The following NRXN1 variants were observed in gnomAD, a reference collection of about 807,000 sequenced individuals.
NRXN1 encodes neurexin-1.
A neutral mutation model predicts 150.9 loss-of-function variants in NRXN1; 39 were observed. That is an observed-to-expected ratio of 0.26 (90% CI 0.20 to 0.34). The LOEUF (loss-of-function observed/expected upper bound fraction) is 0.34. Among genes scored for constraint, NRXN1 ranks in the 10% least tolerant of loss-of-function variants. The probability of loss-of-function intolerance (pLI) is 1.00; values close to 1 mark genes in which losing one functional copy is unlikely to be tolerated. For synonymous variants in NRXN1, 924 were observed against 757.0 expected (o/e 1.22, Z -3.62); for missense variants, 1,815 against 1,949.9 (o/e 0.93, Z 1.30).
intron 18 of NRXN1, among the ~76,000 whole-genome samples, chr2:50,137,509 A>G (rs543984498): frequency 2.0e-4 from 31 of 152,140 alleles, no homozygotes; most frequent in African/African-American, 7.2e-4. Context: ...GACTGCAACT[A>G]GATTTCCCAA....
intron 5 of NRXN1, chr2:50,656,349 T>C: frequency 1.3e-6 from 1 of 775,944 alleles, no homozygotes. Flanking sequence ...CTCTAAAGAG[T>C]ACCTGAGTCT....
chr2:50,081,993 A>G (rs1471561401), intron 19 of NRXN1, among the ~76,000 whole-genome samples: 1 of 152,202 alleles, frequency 6.6e-6, no homozygotes, highest in Non-Finnish European at 1.5e-5. Context: ...TATAAATATT[A>G]AAATCAACCA....
chr2:50,841,615 T>C (rs1206921784), intron 5 of NRXN1, among the ~76,000 whole-genome samples: 1 of 152,232 alleles, frequency 6.6e-6, no homozygotes, highest in Admixed American at 6.5e-5. Flanking sequence ...TGCTTGTTTC[T>C]GGCAAGACAA....
intron 17 of NRXN1, among the ~76,000 whole-genome samples, chr2:50,443,708 C>A (rs553798329): frequency 6.6e-6 from 1 of 152,216 alleles, no homozygotes; most frequent in East Asian, 1.9e-4. Flanking sequence ...CTGTTTGGTT[C>A]ATTACAGAAC....
At chr2:50,828,061 C>T (rs1249406665) in intron 5 of NRXN1, among the ~76,000 whole-genome samples, 2 of 150,416 alleles carry the variant, frequency 1.3e-5, no homozygotes, top group African/African-American at 2.4e-5. Context: ...CACCTTTCCC[C>T]GCTTTCTATT....
intron 18 of NRXN1, among the ~76,000 whole-genome samples, chr2:50,173,546 C>T (rs1485260855): frequency 6.6e-6 from 1 of 152,136 alleles, no homozygotes; most frequent in Admixed American, 6.5e-5. Flanking sequence ...AACTCTGAAA[C>T]AATGACACCA....
chr2:50,128,096 C>G (rs1292302265), intron 18 of NRXN1, among the ~76,000 whole-genome samples: 1 of 152,158 alleles, frequency 6.6e-6, no homozygotes, highest in African/African-American at 2.4e-5. Flanking sequence ...AAAAAAGATA[C>G]GATAGCTACC....
chr2:50,944,885 G>T (rs535065451), intron 2 of NRXN1, among the ~76,000 whole-genome samples: 6 of 152,370 alleles, frequency 3.9e-5, no homozygotes, highest in South Asian at 2.1e-4. Context: ...AGGAATGCAT[G>T]TAAATTAACA....
intron 5 of NRXN1, among the ~76,000 whole-genome samples, chr2:50,694,913 G>T (rs1311744717): frequency 6.6e-6 from 1 of 152,112 alleles, no homozygotes; most frequent in Admixed American, 6.5e-5. Context: ...TTTAGATCCT[G>T]GTGACTGTTC....
At chr2:50,011,127 G>T (rs189727098) in intron 21 of NRXN1, among the ~76,000 whole-genome samples, 36 of 152,240 alleles carry the variant, frequency 2.4e-4, no homozygotes, top group African/African-American at 7.9e-4. Flanking sequence ...TTCGGACTAG[G>T]CTTTACCTTG....
At chr2:50,040,444 T>C (rs1049573241) in intron 21 of NRXN1, among the ~76,000 whole-genome samples, 6 of 151,854 alleles carry the variant, frequency 4.0e-5, no homozygotes, top group African/African-American at 1.4e-4. Context: ...AAGCCTGAGC[T>C]AATCCTCAAT....
intron 17 of NRXN1, among the ~76,000 whole-genome samples, chr2:50,409,101 C>A (rs907456855): frequency 5.3e-5 from 8 of 152,166 alleles, no homozygotes; most frequent in Admixed American, 2.6e-4. Flanking sequence ...CAGCTCTCCC[C>A]TTTGATTTTT....
At chr2:50,438,267 A>G (rs1343818746) in intron 17 of NRXN1, among the ~76,000 whole-genome samples, 2 of 152,178 alleles carry the variant, frequency 1.3e-5, no homozygotes, top group South Asian at 4.1e-4. Context: ...TTTGTGTTTC[A>G]ATTTGCCTGA....
At chr2:50,546,210 G>A (rs2093490674) in intron 9 of NRXN1, among the ~76,000 whole-genome samples, 1 of 152,160 alleles carries the variant, frequency 6.6e-6, no homozygotes, top group African/African-American at 2.4e-5. Context: ...ATAAGGAAAT[G>A]TATAGTAATA....
At chr2:50,747,194 C>T (rs1043079572) in intron 5 of NRXN1, among the ~76,000 whole-genome samples, 1 of 152,018 alleles carries the variant, frequency 6.6e-6, no homozygotes, top group Non-Finnish European at 1.5e-5. Flanking sequence ...AGAAAGATGG[C>T]CACAGATCAG....
intron 21 of NRXN1, among the ~76,000 whole-genome samples, chr2:50,015,244 A>G (rs1686378949): frequency 6.6e-6 from 1 of 152,052 alleles, no homozygotes; most frequent in African/African-American, 2.4e-5. Context: ...ACAAGGGGAC[A>G]CTTGCTGCAC....
chr2:50,853,895 C>T (rs916841572), intron 5 of NRXN1, among the ~76,000 whole-genome samples: 3 of 152,064 alleles, frequency 2.0e-5, no homozygotes, highest in Admixed American at 2.0e-4. Flanking sequence ...CCAATATAAA[C>T]TGTTAATTTC....
intron 8 of NRXN1, among the ~76,000 whole-genome samples, chr2:50,558,270 T>C (rs1479248743): frequency 1.3e-5 from 2 of 152,228 alleles, no homozygotes; most frequent in Non-Finnish European, 2.9e-5. Flanking sequence ...AGTGACTGCA[T>C]GTCTTTCTTC....
At chr2:50,530,121 C>T (rs946395439) in intron 11 of NRXN1, among the ~76,000 whole-genome samples, 1 of 152,060 alleles carries the variant, frequency 6.6e-6, no homozygotes, top group Non-Finnish European at 1.5e-5. Context: ...GTGTTTAACA[C>T]TGTCAAAAAT....
Sources: allele counts gnomAD v4.1 joint callset (sites outside exome capture counted in the v4.1 genomes callset), GRCh38; gene constraint gnomAD v4.1.1; transcripts MANE v1.5; gene names NCBI Gene and HGNC (gene_info 2026-07-23, HGNC 2026-07-21).